Variants in FASN observed in about 807,000 individuals in gnomAD.
The protein encoded by FASN is fatty acid synthase, also known as 3-hydroxyacyl-[acyl-carrier-protein] dehydratase.
In FASN, 50 loss-of-function variants were observed where a neutral mutation model predicts 250.0. That is an observed-to-expected ratio of 0.20 (90% CI 0.16 to 0.25). FASN has a LOEUF of 0.25. FASN is among the 10% of genes least tolerant of loss of function. The pLI is 1.00. For missense variants in FASN, 3,031 were observed against 3,498.5 expected (o/e 0.87, Z 3.37); for synonymous variants, 1,909 against 1,584.0 (o/e 1.21, Z -4.87).
chr17:82,089,291 T>C lies in FASN; in HGVS notation c.2059A>G (p.Met687Val), dbSNP rs2034161030. Residue 687 changes from methionine (M) to valine (V), a missense_variant, in exon 13 of 43, where the codon ATG becomes GTG. Transcript: ENST00000306749. ...TGGMAFHSYFMEAIAPPLLQE... is the reference protein window; with the variant it reads ...TGGMAFHSYFVEAIAPPLLQE... ...AGCAGTGGGGGTGCGATGGCCTCCATGAAGTAGGAGTGGAAGGCCATACCG... is the reference window on the plus strand; with the variant it reads ...AGCAGTGGGGGTGCGATGGCCTCCACGAAGTAGGAGTGGAAGGCCATACCG... The C allele has an allele frequency of 6.2e-6, 10 of 1,612,580 alleles. No homozygotes were observed. The highest frequency in any genetic ancestry group is 6.8e-6 in the Non-Finnish European group (8 of 1,179,944).
chr17:82,089,199 G>A (rs1399697059), intron 13 of FASN, 27 bp from the exon 14 acceptor site: 2 of 1,602,358 alleles, frequency 1.2e-6, no homozygotes, highest in Admixed American at 1.7e-5. Context: ...GTCAGTGCTG[G>A]GTTGTGGGTC....
chr17:82,094,468 T>G (rs1037128081), intron 3 of FASN, among the ~76,000 whole-genome samples: 3 of 151,270 alleles, frequency 2.0e-5, no homozygotes, highest in Non-Finnish European at 4.4e-5. Flanking sequence ...GAGGTCCTTC[T>G]CCGCCCGGGG....
rs1464346939 is a variant in FASN at position 82,078,767 on chromosome 17, G to T, written c.*376C>A. 1 of 344,194 alleles carries T rather than the reference G, an allele frequency of 2.9e-6. No individual in the cohort carries two copies. The highest frequency in any genetic ancestry group is 5.6e-6 in the Non-Finnish European group (1 of 179,092). The allele number at this position is 344,194 out of a possible 1,614,324, so 21.3% of individuals were successfully genotyped here. ...GTGCGGGACCCACACGCTGCCTGAGGAGTCTTGGCAGGGTGGACAGGCCTG... is the reference window on the plus strand; with the variant it reads ...GTGCGGGACCCACACGCTGCCTGAGTAGTCTTGGCAGGGTGGACAGGCCTG... On this transcript the variant is annotated 3_prime_UTR_variant, in exon 43 of 43. Transcript: ENST00000306749. This position sits in a 1 kb window ranked among gnomAD's most constrained non-coding sequence, Gnocchi z 5.4.
intron 12 of FASN, 96 bp downstream of exon 12, chr17:82,089,536 A>G: frequency 3.9e-6 from 6 of 1,547,930 alleles, no homozygotes; most frequent in Non-Finnish European, 5.3e-6. Context: ...GGCCCGTCAG[A>G]GCTTGGTGGG....
chr17:82,080,307 C>A, intron 40 of FASN, 63 bp downstream of exon 40: 2 of 1,611,110 alleles, frequency 1.2e-6, no homozygotes, highest in Non-Finnish European at 1.7e-6. Context: ...TCCCCCAAAG[C>A]CAGGGCACAG....
intron 15 of FASN, 56 bp from the exon 16 acceptor site, chr17:82,088,618 G>C (rs1290464005): frequency 6.4e-7 from 1 of 1,573,170 alleles, no homozygotes; most frequent in Non-Finnish European, 8.7e-7. Context: ...AGGGGCTCTG[G>C]GTTCAGCCCA....
chr17:82,078,488 AAC>A lies in FASN; in HGVS notation c.*653_*654del, dbSNP rs2033929971. The stretch of plus-strand genomic sequence containing the variant: ...AATTTGAATCATTTCTTGAAAAACA[AAC>A]ACAGACAAACACCAAACATGGAGTT... On this transcript the variant is annotated 3_prime_UTR_variant, in exon 43 of 43. Coordinates refer to ENST00000306749, the MANE Select transcript of FASN (RefSeq NM_004104.5). The surrounding 1 kb of genome is among the most constrained non-coding windows in gnomAD (Gnocchi z 5.4). 1 of 153,694 alleles carries A rather than the reference AAC, an allele frequency of 6.5e-6. No individual in the cohort carries two copies. Among genetic ancestry groups the A allele is most frequent in the Non-Finnish European group, 1.4e-5 (1 of 69,214 alleles). 9.5% of individuals were successfully genotyped at this position (153,694 alleles called of 1,614,324 possible). A position where few individuals can be genotyped will look rare whatever the true frequency, so the allele number is the denominator to read the frequency against.
At chr17:82,094,738 G>A (rs1052019702) in intron 3 of FASN, among the ~76,000 whole-genome samples, 8 of 151,748 alleles carry the variant, frequency 5.3e-5, no homozygotes, top group African/African-American at 1.9e-4. Context: ...GCAGTGAGCT[G>A]AGATCGCGCC....
Position 82,082,910 on chromosome 17 carries a change from T to G in FASN, c.5767+4A>C. On this transcript the variant is annotated splice_donor_region_variant and intron_variant, in intron 33 of 42. Coordinates refer to ENST00000306749, the MANE Select transcript of FASN (RefSeq NM_004104.5). ...CTGGTCCACAAGCACCCCTGCCGAC[T>G]CACCTGTCCGGATCCCGGAGCGAGA... is the stretch of plus-strand genomic sequence containing the variant. The G allele has an allele frequency of 2.5e-6, 4 of 1,612,616 alleles. No homozygotes were observed. In the South Asian group the frequency reaches 4.4e-5, roughly 18 times the overall value.
At position 82,091,115 on chromosome 17, in the gene FASN, C is replaced by G. The variant is rs528883550; in HGVS notation, c.1493-46G>C. 67 of 1,606,690 alleles carry G rather than the reference C, an allele frequency of 4.2e-5. No individual in the cohort carries two copies. In the South Asian group the frequency reaches 7.1e-4, roughly 17 times the overall value. ...CGAGGCTCAGCCCCATCCCGTGCCACTGTGTGCCCATCCCCGTCCCAGAGA... is the reference window on the plus strand; with the variant it reads ...CGAGGCTCAGCCCCATCCCGTGCCAGTGTGTGCCCATCCCCGTCCCAGAGA... On this transcript the variant is annotated intron_variant, in intron 9 of 42. Coordinates refer to ENST00000306749, the MANE Select transcript of FASN (RefSeq NM_004104.5).
chr17:82,092,434 C>A (rs1368047354), intron 8 of FASN, 21 bp downstream of exon 8: 5 of 1,556,926 alleles, frequency 3.2e-6, no homozygotes, highest in South Asian at 1.2e-5. Context: ...CTGAGGGACC[C>A]CCAAGCCCAG....
At chr17:82,097,157 G>T (rs1312787186) in intron 1 of FASN, 1 of 157,818 alleles carries the variant, frequency 6.3e-6, no homozygotes, top group East Asian at 1.9e-4. Context: ...CTCCAGCAGG[G>T]TCCAACCTGG....
chr17:82,093,475 G>A, intron 4 of FASN, 56 bp from the exon 5 acceptor site: 2 of 1,580,606 alleles, frequency 1.3e-6, no homozygotes, highest in Non-Finnish European at 1.7e-6. Context: ...AGACCCCTGA[G>A]CACACCTCCT....
At chr17:82,094,377 T>G (rs905151801) in intron 3 of FASN, among the ~76,000 whole-genome samples, 1 of 150,708 alleles carries the variant, frequency 6.6e-6, no homozygotes, top group Non-Finnish European at 1.5e-5. Flanking sequence ...TCGCCCCTGG[T>G]GGGCTGGCTC....
rs1261541573 is a variant in FASN at position 82,085,523 on chromosome 17, T to C, written c.4081A>G (p.Thr1361Ala). Residue 1361 changes from threonine to alanine, a missense_variant, in exon 23 of 43, where the codon ACC (threonine) becomes GCC (alanine). Physicochemically the swap from Thr to Ala is moderately conservative, Grantham distance 58 (BLOSUM62 0). Coordinates refer to ENST00000306749, the MANE Select transcript of FASN (RefSeq NM_004104.5). ...HPLGDIVAFL[T>A]STEPQYGQGI... ...TGGCCATACTGCGGCTCAGTGGAGG[T>C]GAGGAAGGCCACGATGTCCCCGAGG... 6.3e-7 allele frequency: 1 copy of C among 1,594,642 alleles called. No homozygotes were observed. Among genetic ancestry groups the C allele is most frequent in the Admixed American group, 1.7e-5 (1 of 57,442 alleles).
chr17:82,091,192 G>T, intron 9 of FASN, 30 bp downstream of exon 9: 2 of 1,601,654 alleles, frequency 1.2e-6, no homozygotes, highest in South Asian at 2.2e-5. Flanking sequence ...CCAGGGAAGG[G>T]ACCACCTTGG....
chr17:82,086,637 G>A, intron 21 of FASN, 79 bp from the exon 22 acceptor site: 1 of 1,088,448 alleles, frequency 9.2e-7, no homozygotes, highest in Admixed American at 1.9e-5. Context: ...GACCCACTCT[G>A]TCCTTCTGGG....
At chr17:82,090,088 C>T (rs888959419) in intron 11 of FASN, among the ~76,000 whole-genome samples, 1 of 152,234 alleles carries the variant, frequency 6.6e-6, no homozygotes, top group Non-Finnish European at 1.5e-5. Context: ...GTTGGCTTCA[C>T]CAGAGCCCCT....
rs931801543 is a variant in FASN, at chr17:82,086,478, G to A, written c.3508C>T (p.Pro1170Ser). ...AGTTCCTGCTGTGAGGGGTCCCGGGGGATCTGGGCCCCATCCAGTCCGGGC... is the reference window on the plus strand; with the variant it reads ...AGTTCCTGCTGTGAGGGGTCCCGGGAGATCTGGGCCCCATCCAGTCCGGGC... Reference protein sequence around the residue: ...VVPGLDGAQIPRDPSQQELPR... With the variant: ...VVPGLDGAQISRDPSQQELPR... The change falls in exon 22 of 43, where the codon CCC becomes TCC. Residue 1170 changes from proline (P) to serine (S), a missense_variant. Transcript: ENST00000306749. 1.2e-6 allele frequency: 2 copies of A among 1,612,528 alleles called. No individual in the cohort carries two copies. Among genetic ancestry groups the A allele is most frequent in the Admixed American group, 3.3e-5 (2 of 60,030 alleles).
Sources: gnomAD v4.1 joint callset for allele counts (sites outside exome capture counted in the v4.1 genomes callset) on GRCh38, gnomAD v4.1.1 for gene constraint, Gnocchi (gnomAD v3.1) non-coding constraint, MANE v1.5 for transcripts, NCBI Gene and HGNC (gene_info 2026-07-23, HGNC 2026-07-21) for gene names.